Variants in CCSER1 observed in about 807,000 individuals in gnomAD.
The protein encoded by CCSER1 is coiled-coil serine rich protein 1, also known as serine-rich coiled-coil domain-containing protein 1.
Under a neutral mutation model 82.0 loss-of-function variants are expected in CCSER1, and 41 were observed. The observed-to-expected ratio is 0.50, with a 90% CI of 0.39 to 0.65. The LOEUF (loss-of-function observed/expected upper bound fraction) is 0.65, where lower values mean the gene tolerates loss of function less well. Among genes scored for constraint, CCSER1 ranks in the 30% least tolerant of loss-of-function variants. CCSER1 has a pLI of 0.00. For synonymous variants in CCSER1, 414 were observed against 383.9 expected, an observed-to-expected ratio of 1.08 and a Z score of -0.92; for missense variants, 1,119 against 1,064.2, an observed-to-expected ratio of 1.05 and a Z score of -0.72.
rs1265191219 is a variant in CCSER1 at position 90,230,167 on chromosome 4, C to A, written c.-41-78077C>A. 4.6e-5 allele frequency among the ~76,000 whole-genome samples: 7 copies of A among 152,250 alleles called. No individual in the cohort carries two copies. In the East Asian group the frequency reaches 1.4e-3, roughly 29 times the overall value. ...CTCCACCCCATATCAACAGAATATA[C>A]ATTTTTTTCAGCACCACACCACACC... On this transcript the variant is annotated intron_variant, in intron 1 of 10. Transcript: ENST00000509176.
intron 1 of CCSER1, among the ~76,000 whole-genome samples, chr4:90,187,858 T>G (rs1421802612): frequency 6.6e-6 from 1 of 151,840 alleles, no homozygotes; most frequent in Non-Finnish European, 1.5e-5. Flanking sequence ...AAGAGTTAAT[T>G]TCGTCCTTTC....
chr4:91,470,397 A>G (rs949852460), intron 10 of CCSER1, among the ~76,000 whole-genome samples: 4 of 152,038 alleles, frequency 2.6e-5, no homozygotes, highest in African/African-American at 4.8e-5. Context: ...ACTGCAACTA[A>G]TCTTTTCATT....
At chr4:91,319,555 T>C (rs1203269731) in intron 10 of CCSER1, 12 of 414,354 alleles carry the variant, frequency 2.9e-5, no homozygotes, top group Admixed American at 2.2e-4. Context: ...AAAATTGCTA[T>C]CCTGTGAAAG....
At chr4:91,067,606 C>T (rs1471724652) in intron 9 of CCSER1, among the ~76,000 whole-genome samples, 1 of 148,454 alleles carries the variant, frequency 6.7e-6, no homozygotes, top group Non-Finnish European at 1.5e-5. Flanking sequence ...CAGTCTCCCA[C>T]AGTGCTGGGA....
intron 3 of CCSER1, among the ~76,000 whole-genome samples, chr4:90,329,427 A>G (rs1002665728): frequency 7.9e-5 from 12 of 152,294 alleles, no homozygotes; most frequent in South Asian, 2.1e-4. Flanking sequence ...AGAAACATTG[A>G]AAAACAAATA....
chr4:90,637,322 C>G (rs1560858038), intron 6 of CCSER1, among the ~76,000 whole-genome samples: 1 of 151,950 alleles, frequency 6.6e-6, no homozygotes, highest in Admixed American at 6.6e-5. Context: ...TGGCTTCCCC[C>G]TGACTACACA....
At chr4:91,046,192 C>G (rs1742470855) in intron 9 of CCSER1, among the ~76,000 whole-genome samples, 1 of 151,520 alleles carries the variant, frequency 6.6e-6, no homozygotes, top group Non-Finnish European at 1.5e-5. Context: ...AGAAGTCTAG[C>G]TAAAATTTTT....
At chr4:90,287,303 A>G (rs544283966) in intron 1 of CCSER1, among the ~76,000 whole-genome samples, 85 of 152,150 alleles carry the variant, frequency 5.6e-4, no homozygotes, top group South Asian at 2.9e-3. Flanking sequence ...TTATAGTGAT[A>G]TAGTAAATAT....
intron 9 of CCSER1, among the ~76,000 whole-genome samples, chr4:90,923,712 A>G (rs1223568557): frequency 6.6e-6 from 1 of 152,332 alleles, no homozygotes; most frequent in African/African-American, 2.4e-5. Flanking sequence ...ATTTGCAGAC[A>G]TGTAGAAGAT....
chr4:90,938,691 A>G (rs1371978668), intron 9 of CCSER1: 2 of 410,238 alleles, frequency 4.9e-6, no homozygotes, highest in African/African-American at 2.0e-5. Flanking sequence ...GTGGAATCCT[A>G]CATGCACTGA....
chr4:91,543,187 A>G (rs1182687903), intron 10 of CCSER1, among the ~76,000 whole-genome samples: 1 of 152,018 alleles, frequency 6.6e-6, no homozygotes, highest in Non-Finnish European at 1.5e-5. Context: ...TTTTGAACCT[A>G]TGTGTGTCTC....
chr4:90,903,836 C>CAA (rs34799713), intron 8 of CCSER1, among the ~76,000 whole-genome samples: 47,469 of 120,844 alleles, frequency 0.39, 8,209 homozygotes, highest in Non-Finnish European at 0.43. Context: ...TACTCTGTCT[C>CAA]AAAAAAAAAA....
At chr4:90,911,641 T>C (rs1360386979) in intron 8 of CCSER1, among the ~76,000 whole-genome samples, 1 of 152,070 alleles carries the variant, frequency 6.6e-6, no homozygotes, top group Non-Finnish European at 1.5e-5. Flanking sequence ...TGCAGGACAG[T>C]GGGTGTAGCG....
chr4:91,338,922 T>C (rs1747512794), intron 10 of CCSER1, among the ~76,000 whole-genome samples: 1 of 152,186 alleles, frequency 6.6e-6, no homozygotes, highest in Admixed American at 6.5e-5. Context: ...TCTCTTGAAA[T>C]ACAGGCAGTT....
At chr4:91,584,543 GTA>G (rs1392989743) in intron 10 of CCSER1, among the ~76,000 whole-genome samples, 5 of 151,438 alleles carry the variant, frequency 3.3e-5, no homozygotes, top group Non-Finnish European at 5.9e-5. Flanking sequence ...TTTAGAAACA[GTA>G]TTAACCTCAA....
intron 1 of CCSER1, among the ~76,000 whole-genome samples, chr4:90,186,273 G>A (rs998138433): frequency 3.3e-5 from 5 of 151,982 alleles, no homozygotes; most frequent in Non-Finnish European, 7.4e-5. Flanking sequence ...CCACCCTCAA[G>A]AGATATGTGT....
At chr4:91,020,398 C>G (rs766426844) in intron 9 of CCSER1, among the ~76,000 whole-genome samples, 32 of 152,254 alleles carry the variant, frequency 2.1e-4, no homozygotes, top group Non-Finnish European at 2.9e-4. Flanking sequence ...TGCGGTGGCT[C>G]ACACCTGTCA....
At chr4:90,167,712 A>G (rs1020560868) in intron 1 of CCSER1, among the ~76,000 whole-genome samples, 8 of 150,880 alleles carry the variant, frequency 5.3e-5, no homozygotes, top group Non-Finnish European at 1.2e-4. Context: ...CCTATGAGTG[A>G]GAACATGCAG....
chr4:91,223,267 T>C (rs1581797316), intron 10 of CCSER1, among the ~76,000 whole-genome samples: 1 of 152,116 alleles, frequency 6.6e-6, no homozygotes, highest in East Asian at 1.9e-4. Context: ...TGTTTAGAAA[T>C]CAAATAAATT....
Sources: allele counts gnomAD v4.1 joint callset (sites outside exome capture counted in the v4.1 genomes callset), GRCh38; gene constraint gnomAD v4.1.1; transcripts MANE v1.5; gene names NCBI Gene and HGNC (gene_info 2026-07-23, HGNC 2026-07-21).